Variants in CAPG observed in about 807,000 individuals in gnomAD.
CAPG encodes capping actin protein, gelsolin like.
In CAPG, 32 loss-of-function variants were observed where a neutral mutation model predicts 44.6. The ratio of observed to expected loss-of-function variants is 0.72; its 90% CI spans 0.54 to 0.96. The LOEUF is 0.96. Among genes scored for constraint, CAPG ranks in the 50% least tolerant of loss-of-function variants. CAPG has a pLI of 0.00. For synonymous variants in CAPG, 175 were observed against 179.6 expected (o/e 0.97, Z 0.20); for missense variants, 412 against 438.3 (o/e 0.94, Z 0.54).
chr2:85,400,654 G>T (rs1686836455), intron 5 of CAPG, among the ~76,000 whole-genome samples: 1 of 152,044 alleles, frequency 6.6e-6, no homozygotes, highest in South Asian at 2.1e-4. Context: ...CCTCCTATAG[G>T]TCTAGTCCAA....
chr2:85,411,172 G>T (rs1687397837), upstream of CAPG, among the ~76,000 whole-genome samples: 1 of 152,182 alleles, frequency 6.6e-6, no homozygotes, highest in South Asian at 2.1e-4. Flanking sequence ...AGTTCTCAGG[G>T]AATGGCTGAG....
intron 5 of CAPG, among the ~76,000 whole-genome samples, chr2:85,400,601 G>A (rs1430850502): frequency 6.6e-6 from 1 of 151,996 alleles, no homozygotes; most frequent in African/African-American, 2.4e-5. Context: ...CCCCACCTTG[G>A]TGGCTCAGCT....
chr2:85,410,855 G>T (rs118186101), upstream of CAPG, among the ~76,000 whole-genome samples: 303 of 150,688 alleles, frequency 2.0e-3, 4 homozygotes, highest in East Asian at 0.016. Flanking sequence ...TCAGTTTTTT[G>T]GTTTTTTTTG....
upstream of CAPG, among the ~76,000 whole-genome samples, chr2:85,411,732 A>G (rs1469243168): frequency 6.6e-6 from 1 of 152,128 alleles, no homozygotes; most frequent in African/African-American, 2.4e-5. Flanking sequence ...ACAAAACCTC[A>G]TTATTTGACT....
intron 8 of CAPG, among the ~76,000 whole-genome samples, chr2:85,397,311 C>T (rs1434968183): frequency 6.6e-6 from 1 of 152,152 alleles, no homozygotes; most frequent in Non-Finnish European, 1.5e-5. Context: ...CCTAGTGAAT[C>T]AGAATCTATG....
chr2:85,409,097 C>T (rs556154062), intron 1 of CAPG, among the ~76,000 whole-genome samples: 1 of 152,306 alleles, frequency 6.6e-6, no homozygotes, highest in South Asian at 2.1e-4. Flanking sequence ...ACTGTAGGGT[C>T]CTTTAGGGCA....
At chr2:85,414,880 G>A (rs1687516975), upstream of CAPG, among the ~76,000 whole-genome samples, 2 of 152,312 alleles carry the variant, frequency 1.3e-5, no homozygotes, top group African/African-American at 2.4e-5. Context: ...CCACACTTCC[G>A]CCTTGGCTCC....
At chr2:85,392,756 A>T (rs898786924), downstream of CAPG, among the ~76,000 whole-genome samples, 1 of 152,324 alleles carries the variant, frequency 6.6e-6, no homozygotes, top group South Asian at 2.1e-4. Flanking sequence ...ACCAACAGAG[A>T]TAGCAGGGAG....
At chr2:85,398,179 T>TCACC in intron 7 of CAPG, 27 bp from the exon 8 acceptor site, 1 of 1,608,690 alleles carries the variant, frequency 6.2e-7, no homozygotes, top group Non-Finnish European at 8.5e-7. Context: ...GTGCCTGATC[T>TCACC]CACCCCCCAC....
chr2:85,397,926 A>G (rs1326112161), intron 8 of CAPG, 94 bp downstream of exon 8: 11 of 1,280,754 alleles, frequency 8.6e-6, no homozygotes, highest in Non-Finnish European at 1.2e-5. Context: ...GCTGTCTTTT[A>G]CAAGCAGCTA....
At chr2:85,405,607 CAA>C (rs1687107458) in intron 1 of CAPG, among the ~76,000 whole-genome samples, 1 of 152,154 alleles carries the variant, frequency 6.6e-6, no homozygotes, top group South Asian at 2.1e-4. Flanking sequence ...GAGTAGGAAA[CAA>C]AGAGGGACAG....
At chr2:85,412,163 C>T (rs1687432686), upstream of CAPG, among the ~76,000 whole-genome samples, 1 of 152,078 alleles carries the variant, frequency 6.6e-6, no homozygotes, top group African/African-American at 2.4e-5. Context: ...CCCCAAAGAA[C>T]ATGGCCTGTA....
At position 85,401,523 on chromosome 2, in the gene CAPG, T is replaced by G; in HGVS notation, c.351+6A>C. Reference sequence around the variant, plus strand: ...AGGGTGGGGGTGCCTAGAGGTGGGCTCTGACCTGGTACTTGAGGCCCCGTG... The same window carrying G: ...AGGGTGGGGGTGCCTAGAGGTGGGCGCTGACCTGGTACTTGAGGCCCCGTG... On this transcript the variant is annotated splice_donor_region_variant and intron_variant, in intron 4 of 9. Coordinates refer to ENST00000263867, the MANE Select transcript of CAPG (RefSeq NM_001747.4). The G allele has an allele frequency of 6.2e-7, 1 of 1,614,044 alleles. No homozygotes were observed. The highest frequency in any genetic ancestry group is 1.7e-4 in the Middle Eastern group (1 of 6,060).
intron 8 of CAPG, 140 bp downstream of exon 8, chr2:85,397,880 G>T: frequency 1.2e-6 from 1 of 849,166 alleles, no homozygotes; most frequent in Non-Finnish European, 1.9e-6. Context: ...TTTAAAGAGA[G>T]AAAATGGTCA....
chr2:85,398,914 G>C, intron 6 of CAPG, 132 bp from the exon 7 acceptor site: 1 of 827,764 alleles, frequency 1.2e-6, no homozygotes, highest in Non-Finnish European at 1.9e-6. Flanking sequence ...GAGGTGAGGT[G>C]AGTGAGGGCT....
chr2:85,395,641 G>T lies in CAPG; in HGVS notation c.893-15C>A, dbSNP rs752441003. The T allele has an allele frequency of 5.0e-6, 8 of 1,604,402 alleles. No individual in the cohort carries two copies. The African/African-American group carries it at 1.1e-4, about 21-fold the overall frequency. ...CGCTTTTCGCCCTAGATCATAGGAA[G>T]GAGATTTTTAAAAAGAGCAGGGACC... On this transcript the variant is annotated splice_polypyrimidine_tract_variant and intron_variant, in intron 8 of 9. Coordinates refer to ENST00000263867, the MANE Select transcript of CAPG (RefSeq NM_001747.4). The surrounding 1 kb of genome is among the most constrained non-coding windows in gnomAD (Gnocchi z 4.3).
Position 85,394,882 on chromosome 2 carries a change from G to A in CAPG, c.*11C>T, listed in dbSNP as rs768387450. 9 of 1,606,616 alleles carry A rather than the reference G, an allele frequency of 5.6e-6. No individual in the cohort carries two copies. In the South Asian group the frequency reaches 7.7e-5, roughly 14 times the overall value. The stretch of plus-strand genomic sequence containing the variant: ...GGGGCAGGGGAGCATGGGGCAGGAA[G>A]ACGCCCACCCTCATTTCCAGTCCTT... On this transcript the variant is annotated 3_prime_UTR_variant, in exon 10 of 10. Coordinates refer to ENST00000263867, the MANE Select transcript of CAPG (RefSeq NM_001747.4).
chr2:85,401,770 T>A lies in CAPG; in HGVS notation c.196+15A>T. The A allele has an allele frequency of 6.2e-7, 1 of 1,611,774 alleles. No individual in the cohort carries two copies. Among genetic ancestry groups the A allele is most frequent in the South Asian group, 1.1e-5 (1 of 91,024 alleles). On this transcript the variant is annotated intron_variant, in intron 3 of 9. Coordinates refer to ENST00000263867, the MANE Select transcript of CAPG (RefSeq NM_001747.4). ...CCTTCCTGGGCCCAACCTTCCCCCA[T>A]CCAGATCCCCTTACCTATCCACAGG...
In CAPG at chr2:85,399,295, A is replaced by C; in HGVS notation, c.517-10T>G. 6.2e-7 allele frequency: 1 copy of C among 1,613,746 alleles called. No homozygotes were observed. The highest frequency in any genetic ancestry group is 8.5e-7 in the Non-Finnish European group (1 of 1,179,850). Reference sequence around the variant, plus strand: ...ACCAGGCGAAGATGTTCTGCAAGGAAGCAGGAAAGTCCGGGTCAGAGCCAG... The same window carrying C: ...ACCAGGCGAAGATGTTCTGCAAGGACGCAGGAAAGTCCGGGTCAGAGCCAG... On this transcript the variant is annotated splice_polypyrimidine_tract_variant and intron_variant, in intron 5 of 9. Transcript: ENST00000263867.
Sources: allele counts gnomAD v4.1 joint callset (sites outside exome capture counted in the v4.1 genomes callset), GRCh38; gene constraint gnomAD v4.1.1; non-coding constraint Gnocchi (gnomAD v3.1); transcripts MANE v1.5; gene names NCBI Gene and HGNC (gene_info 2026-07-23, HGNC 2026-07-21).